CRB1: variants seen among roughly 807,000 people sequenced by gnomAD.
CRB1 encodes protein crumbs homolog 1.
In CRB1, 83 loss-of-function variants were observed where a neutral mutation model predicts 120.0. The observed-to-expected ratio is 0.69, with a 90% confidence interval of 0.58 to 0.83. The LOEUF is 0.83. Among genes scored for constraint, CRB1 ranks in the 40% least tolerant of loss-of-function variants. The probability of loss-of-function intolerance (pLI) is 0.00; values close to 1 mark genes in which losing one functional copy is unlikely to be tolerated. For missense variants in CRB1, 1,699 were observed against 1,687.6 expected (o/e 1.01, Z -0.12); for synonymous variants, 625 against 612.5 (o/e 1.02, Z -0.30).
At chr1:197,466,224 A>AT (rs1666744053) in intron 11 of CRB1, among the ~76,000 whole-genome samples, 1 of 152,192 alleles carries the variant, frequency 6.6e-6, no homozygotes, top group African/African-American at 2.4e-5. Flanking sequence ...GGGACGATGC[A>AT]TTGGCTCTGC....
rs116686813 is a variant in CRB1 at position 197,334,737 on chromosome 1, G to A, written c.652+5734G>A. Among the ~76,000 whole-genome samples the A allele has an allele frequency of 9.6e-3, 1,458 of 152,108 alleles. 22 individuals carry two copies. Among genetic ancestry groups the A allele is most frequent in the South Asian group, 0.04 (194 of 4,818 alleles). ...AGATGGACTATAAGACACATGATAT[G>A]GATTTTTTAAATATTTGTCGAATTC... On this transcript the variant is annotated intron_variant, in intron 2 of 11. Coordinates refer to ENST00000367400, the MANE Select transcript of CRB1 (RefSeq NM_201253.3).
At chr1:197,351,458 A>G (rs796847748) in intron 4 of CRB1, among the ~76,000 whole-genome samples, 4 of 152,198 alleles carry the variant, frequency 2.6e-5, no homozygotes, top group African/African-American at 9.6e-5. Context: ...TTGCAAAAAT[A>G]CTGGACTGTG....
chr1:197,227,432 C>A, the CRB1 span, among the ~76,000 whole-genome samples: 1 of 149,354 alleles, frequency 6.7e-6, no homozygotes, highest in Non-Finnish European at 1.5e-5. Context: ...TCGCTCATCG[C>A]CCAGGCTGGA....
chr1:197,378,607 C>G (rs1425704079), intron 5 of CRB1, among the ~76,000 whole-genome samples: 1 of 152,152 alleles, frequency 6.6e-6, no homozygotes, highest in African/African-American at 2.4e-5. Context: ...TTTCACTCCT[C>G]TCATGGTAGT....
chr1:197,374,216 T>C (rs1468367875), intron 5 of CRB1, among the ~76,000 whole-genome samples: 2 of 152,168 alleles, frequency 1.3e-5, no homozygotes, highest in African/African-American at 4.8e-5. Context: ...CATTTGATTC[T>C]AGTTGTTCTC....
At chr1:197,373,959 C>A (rs1272096445) in intron 5 of CRB1, among the ~76,000 whole-genome samples, 2 of 152,120 alleles carry the variant, frequency 1.3e-5, no homozygotes, top group East Asian at 1.9e-4. Context: ...ATGGTAGTCC[C>A]AAGAGAGGGT....
the CRB1 span, among the ~76,000 whole-genome samples, chr1:197,212,807 C>G: frequency 6.6e-6 from 1 of 151,944 alleles, no homozygotes; most frequent in African/African-American, 2.4e-5. Flanking sequence ...AACAGAGACA[C>G]ACAATGAAAC....
Position 197,434,882 on chromosome 1 carries a change from A to C in CRB1, c.3019A>C (p.Arg1007=). 6.2e-7 allele frequency: 1 copy of C among 1,613,852 alleles called. No homozygotes were observed. Among genetic ancestry groups the C allele is most frequent in the Non-Finnish European group, 8.5e-7 (1 of 1,179,844 alleles). Reference sequence around the variant, plus strand: ...TCTTAATATTAGCATTCAAGATTCCAGATTATTCTTTCAATTGCAAAGTGG... The same window carrying C: ...TCTTAATATTAGCATTCAAGATTCCCGATTATTCTTTCAATTGCAAAGTGG... ...EFLNISIQDS[R]LFFQLQSGNS... Residue 1007 remains arginine (R), a synonymous_variant, in exon 9 of 12, where the codon AGA becomes CGA. Coordinates refer to ENST00000367400, the MANE Select transcript of CRB1 (RefSeq NM_201253.3).
intron 1 of CRB1, among the ~76,000 whole-genome samples, chr1:197,284,609 C>T (rs931815510): frequency 2.6e-5 from 4 of 151,822 alleles, no homozygotes; most frequent in African/African-American, 9.7e-5. Flanking sequence ...CTAACTATTC[C>T]TCAGTTGCTG....
chr1:197,271,816 G>T (rs1028091478), intron 1 of CRB1, among the ~76,000 whole-genome samples: 1 of 151,972 alleles, frequency 6.6e-6, no homozygotes, highest in Non-Finnish European at 1.5e-5. Flanking sequence ...TATCTCTCTA[G>T]TCCTTTATAA....
At chr1:197,212,886 T>TG in the CRB1 span, among the ~76,000 whole-genome samples, 3 of 152,030 alleles carry the variant, frequency 2.0e-5, no homozygotes, top group Non-Finnish European at 4.4e-5. Flanking sequence ...AGATAAAATT[T>TG]CTAGTCCATG....
intron 1 of CRB1, among the ~76,000 whole-genome samples, chr1:197,322,961 A>G (rs147469592): frequency 3.3e-5 from 5 of 152,308 alleles, no homozygotes; most frequent in Non-Finnish European, 7.3e-5. Flanking sequence ...CTGAAACTCA[A>G]TTCCATATTT....
chr1:197,299,316 A>T (rs1348221413), intron 1 of CRB1, among the ~76,000 whole-genome samples: 1 of 152,200 alleles, frequency 6.6e-6, no homozygotes, highest in Non-Finnish European at 1.5e-5. Flanking sequence ...TTTTGCATCT[A>T]GATTGGTAAA....
chr1:197,420,818 T>C (rs1429658370), intron 5 of CRB1, among the ~76,000 whole-genome samples, 182 bp from the exon 6 acceptor site: 1 of 152,214 alleles, frequency 6.6e-6, no homozygotes, highest in African/African-American at 2.4e-5. Flanking sequence ...TTTTTCTTCA[T>C]GACACAGGTG....
intron 2 of CRB1, among the ~76,000 whole-genome samples, chr1:197,334,251 T>C (rs1037269190): frequency 3.9e-5 from 6 of 152,140 alleles, no homozygotes; most frequent in African/African-American, 1.4e-4. Context: ...TTTCACAAAG[T>C]CCATGAGGCA....
At chr1:197,423,776 A>G (rs1281074331) in intron 6 of CRB1, among the ~76,000 whole-genome samples, 2 of 152,196 alleles carry the variant, frequency 1.3e-5, no homozygotes, top group African/African-American at 4.8e-5. Flanking sequence ...ATGAACAAGG[A>G]GACTGGATAG....
intron 1 of CRB1, among the ~76,000 whole-genome samples, chr1:197,316,910 C>CAAAAAAAAAAAAA (rs201313713): frequency 7.3e-6 from 1 of 136,098 alleles, no homozygotes; most frequent in Non-Finnish European, 1.6e-5. Context: ...ACAATGGCTA[C>CAAAAAAAAAAAAA]AAAAAAAAAA....
chr1:197,357,314 T>G (rs1660541395), intron 5 of CRB1: 1 of 426,154 alleles, frequency 2.3e-6, no homozygotes, highest in Non-Finnish European at 4.3e-6. Flanking sequence ...ATGTTGAAAT[T>G]TTTATGCTAT....
intron 2 of CRB1, among the ~76,000 whole-genome samples, chr1:197,332,697 T>C (rs1267300441): frequency 1.3e-5 from 2 of 152,222 alleles, no homozygotes; most frequent in African/African-American, 2.4e-5. Context: ...GCTCAGACTC[T>C]ACTTCCAGAG....
Sources: gnomAD v4.1 joint callset for allele counts (sites outside exome capture counted in the v4.1 genomes callset) on GRCh38, gnomAD v4.1.1 for gene constraint, MANE v1.5 for transcripts, NCBI Gene and HGNC (gene_info 2026-07-23, HGNC 2026-07-21) for gene names.